The following CSMD1 variants were observed in gnomAD, a reference collection of about 807,000 sequenced individuals.
The protein encoded by CSMD1 is CUB and sushi domain-containing protein 1.
Under a neutral mutation model 417.5 loss-of-function variants are expected in CSMD1, and 213 were observed. That is an observed-to-expected ratio of 0.51 (90% confidence interval 0.46 to 0.57). CSMD1 has a LOEUF of 0.57. CSMD1 is among the 20% of genes least tolerant of loss of function. The pLI is 0.00. For missense variants in CSMD1, 6,923 were observed against 4,529.7 expected (o/e 1.53, Z -15.17); for synonymous variants, 2,862 against 1,736.8 (o/e 1.65, Z -16.11).
chr8:3,367,303 CG>C (rs35870800), intron 19 of CSMD1, 56 bp from the exon 20 acceptor site: 250,622 of 1,224,808 alleles, frequency 0.2, 28,154 homozygotes, highest in South Asian at 0.32. Flanking sequence ...CACGGGGCGG[CG>C]GGGGCAGAGA....
At chr8:4,865,511 C>G (rs998705048) in intron 1 of CSMD1, among the ~76,000 whole-genome samples, 1 of 151,770 alleles carries the variant, frequency 6.6e-6, no homozygotes, top group Non-Finnish European at 1.5e-5. Context: ...AAACATGATG[C>G]AACAATATAT....
intron 5 of CSMD1, among the ~76,000 whole-genome samples, chr8:3,978,550 T>C (rs80049236): frequency 0.051 from 7,719 of 152,134 alleles, 324 homozygotes; most frequent in African/African-American, 0.1. Context: ...GCAAAGGGTT[T>C]CAAAAATATA....
Position 2,965,902 on chromosome 8 carries a change from G to T in CSMD1, c.9153C>A (p.Thr3051=). 6.2e-7 allele frequency: 1 copy of T among 1,610,166 alleles called. No homozygotes were observed. Among genetic ancestry groups the T allele is most frequent in the Non-Finnish European group, 8.5e-7 (1 of 1,178,312 alleles). Residue 3051 remains threonine (T), a synonymous_variant, in exon 59 of 70, where the codon ACC becomes ACA. Transcript: ENST00000635120. ...TCACAGTCTTGTTGAAGGTGAAGTC[G>T]GTCCCAAACTGGATGCCATTTGCTA... ...GTLANGIQFG[T]DFTFNKTVSY...
intron 10 of CSMD1, among the ~76,000 whole-genome samples, chr8:3,550,239 T>A (rs573339245): frequency 1.6e-4 from 25 of 152,116 alleles, no homozygotes; most frequent in Admixed American, 9.8e-4. Context: ...TTAGAATACA[T>A]CCTATGTCTC....
At chr8:4,448,819 G>A (rs901978436) in intron 2 of CSMD1, among the ~76,000 whole-genome samples, 3 of 152,106 alleles carry the variant, frequency 2.0e-5, no homozygotes, top group African/African-American at 4.8e-5. Flanking sequence ...CTAATTCTGG[G>A]ACAGGGTAAA....
intron 4 of CSMD1, among the ~76,000 whole-genome samples, chr8:4,025,808 G>C (rs1406084957): frequency 6.6e-6 from 1 of 152,086 alleles, no homozygotes; most frequent in Non-Finnish European, 1.5e-5. Flanking sequence ...ACTGGCCTCT[G>C]ATTTAGTTCT....
intron 12 of CSMD1, among the ~76,000 whole-genome samples, chr8:3,445,706 C>G (rs1242095737): frequency 6.6e-6 from 1 of 152,030 alleles, no homozygotes; most frequent in Non-Finnish European, 1.5e-5. Context: ...GGCCATGTAG[C>G]AAATGAGGAG....
At chr8:4,037,053 C>T (rs999475505) in intron 3 of CSMD1, among the ~76,000 whole-genome samples, 2 of 151,986 alleles carry the variant, frequency 1.3e-5, no homozygotes, top group Admixed American at 6.6e-5. Flanking sequence ...GCACCCGGAG[C>T]TGCTGAGACA....
chr8:4,236,723 G>C (rs1227310106), intron 3 of CSMD1, among the ~76,000 whole-genome samples: 1 of 152,118 alleles, frequency 6.6e-6, no homozygotes, highest in African/African-American at 2.4e-5. Flanking sequence ...AATAATCACT[G>C]TGCCTTCGAA....
chr8:4,353,932 G>A (rs914963162), intron 3 of CSMD1, among the ~76,000 whole-genome samples: 1 of 152,136 alleles, frequency 6.6e-6, no homozygotes, highest in African/African-American at 2.4e-5. Flanking sequence ...TTCATTTGAG[G>A]TATATTAGGG....
chr8:4,126,885 C>T (rs1488482199), intron 3 of CSMD1, among the ~76,000 whole-genome samples: 1 of 152,098 alleles, frequency 6.6e-6, no homozygotes, highest in Non-Finnish European at 1.5e-5. Context: ...GCATCTGTCT[C>T]CTGGGAATGG....
At chr8:3,787,647 C>T (rs1007687465) in intron 5 of CSMD1, among the ~76,000 whole-genome samples, 15 of 152,064 alleles carry the variant, frequency 9.9e-5, no homozygotes, top group African/African-American at 3.6e-4. Context: ...AGAAATAAGG[C>T]AGCTTGGTAA....
chr8:4,991,968 C>A (rs1464209377), intron 1 of CSMD1, among the ~76,000 whole-genome samples: 1 of 152,176 alleles, frequency 6.6e-6, no homozygotes, highest in Admixed American at 6.5e-5. Context: ...TACGTCCGAG[C>A]GTCCTGGACC....
chr8:4,125,623 G>C (rs1017889893), intron 3 of CSMD1, among the ~76,000 whole-genome samples: 4 of 152,208 alleles, frequency 2.6e-5, no homozygotes, highest in Admixed American at 6.5e-5. Context: ...AATTATGTCA[G>C]TGACAGAAAT....
At chr8:3,824,688 T>C (rs1024308113) in intron 5 of CSMD1, among the ~76,000 whole-genome samples, 3 of 152,232 alleles carry the variant, frequency 2.0e-5, no homozygotes, top group African/African-American at 7.2e-5. Context: ...ATATTAATAT[T>C]AATTTTACCT....
At chr8:4,938,258 C>T (rs183776058) in intron 1 of CSMD1, among the ~76,000 whole-genome samples, 1 of 152,072 alleles carries the variant, frequency 6.6e-6, no homozygotes, top group Non-Finnish European at 1.5e-5. Context: ...TCAATAATTT[C>T]CAAAACTCTA....
At chr8:2,956,290 G>C (rs184489572) in intron 63 of CSMD1, among the ~76,000 whole-genome samples, 3 of 151,708 alleles carry the variant, frequency 2.0e-5, no homozygotes, top group African/African-American at 7.3e-5. Flanking sequence ...ACTTAATATA[G>C]ATTCTTATTT....
intron 3 of CSMD1, among the ~76,000 whole-genome samples, chr8:4,292,955 G>C (rs981299539): frequency 2.0e-5 from 3 of 152,292 alleles, no homozygotes; most frequent in Middle Eastern, 3.4e-3. Flanking sequence ...GACCCACAAA[G>C]CACTCCAGAG....
intron 26 of CSMD1, among the ~76,000 whole-genome samples, chr8:3,275,563 C>G (rs112071114): frequency 6.6e-6 from 1 of 152,154 alleles, no homozygotes; most frequent in South Asian, 2.1e-4. Flanking sequence ...CTTTCAGGTA[C>G]GACAATCAGA....
Sources: gnomAD v4.1 joint callset for allele counts (sites outside exome capture counted in the v4.1 genomes callset) on GRCh38, gnomAD v4.1.1 for gene constraint, MANE v1.5 for transcripts, NCBI Gene and HGNC (gene_info 2026-07-23, HGNC 2026-07-21) for gene names.